RPS6KC1: variants seen among roughly 807,000 people sequenced by gnomAD.
RPS6KC1 encodes ribosomal protein S6 kinase C1, also known as inactive ribosomal protein S6 kinase delta-1.
A neutral mutation model predicts 103.8 loss-of-function variants in RPS6KC1; 54 were observed. That is an observed-to-expected ratio of 0.52 (90% CI 0.42 to 0.65). The LOEUF is 0.65. Ranked by LOEUF, RPS6KC1 falls within the 30% of genes least tolerant of loss-of-function variation. The pLI, the probability that RPS6KC1 is intolerant of heterozygous loss-of-function variation, is 0.00. For synonymous variants in RPS6KC1, 439 were observed against 438.7 expected (o/e 1.00, Z -0.01); for missense variants, 1,151 against 1,253.8 (o/e 0.92, Z 1.24).
chr1:213,361,558 A>C, the RPS6KC1 span, among the ~76,000 whole-genome samples: 1 of 152,210 alleles, frequency 6.6e-6, no homozygotes, highest in African/African-American at 2.4e-5. Flanking sequence ...CGCTGCACCC[A>C]CTGTCCAACA....
At chr1:213,421,236 C>T in the RPS6KC1 span, among the ~76,000 whole-genome samples, 133 of 152,070 alleles carry the variant, frequency 8.7e-4, 1 homozygote, top group Middle Eastern at 6.8e-3. Context: ...CCCAGCCTCC[C>T]GAGTAGCTGG....
At chr1:213,471,140 G>A in the RPS6KC1 span, among the ~76,000 whole-genome samples, 1 of 152,198 alleles carries the variant, frequency 6.6e-6, no homozygotes, top group Non-Finnish European at 1.5e-5. Flanking sequence ...TTTTTGGTGT[G>A]TTTCAATAAA....
the RPS6KC1 span, among the ~76,000 whole-genome samples, chr1:213,783,955 G>A: frequency 6.6e-6 from 1 of 151,696 alleles, no homozygotes; most frequent in Non-Finnish European, 1.5e-5. Context: ...GAGTTTCCTT[G>A]AGAAGTTCCT....
chr1:213,167,053 GT>G (rs1317232438), intron 6 of RPS6KC1, among the ~76,000 whole-genome samples: 1 of 152,180 alleles, frequency 6.6e-6, no homozygotes, highest in Non-Finnish European at 1.5e-5. Context: ...AGACAGTCCA[GT>G]TTGTGTTGTG....
the RPS6KC1 span, among the ~76,000 whole-genome samples, chr1:213,743,933 G>A: frequency 6.6e-6 from 1 of 152,132 alleles, no homozygotes; most frequent in Non-Finnish European, 1.5e-5. Flanking sequence ...ATACACCATG[G>A]AATACTACTC....
Position 213,167,903 on chromosome 1 carries a change from C to T in RPS6KC1, c.881C>T (p.Ala294Val), listed in dbSNP as rs1381098208. 1 of 1,613,790 alleles carries T rather than the reference C, an allele frequency of 6.2e-7. No homozygotes were observed. Among genetic ancestry groups the T allele is most frequent in the Admixed American group, 1.7e-5 (1 of 59,992 alleles). Residue 294 changes from alanine to valine, a missense_variant, in exon 7 of 15, where the codon GCC (alanine) becomes GTC (valine). Ala to Val is a moderately conservative substitution (Grantham distance 64). Transcript: ENST00000366960. ...TRREAVKRRTAEYLMRAESIS... is the reference protein window; with the variant it reads ...TRREAVKRRTVEYLMRAESIS... Reference sequence around the variant, plus strand: ...CGAGAAGCTGTGAAGAGAAGAACAGCCGAGTACCTCATGCGGGCAGAAAGT... The same window carrying T: ...CGAGAAGCTGTGAAGAGAAGAACAGTCGAGTACCTCATGCGGGCAGAAAGT...
At chr1:213,535,275 G>C in the RPS6KC1 span, among the ~76,000 whole-genome samples, 3 of 152,230 alleles carry the variant, frequency 2.0e-5, no homozygotes, top group Admixed American at 2.0e-4. Context: ...CTGAGACAAA[G>C]AGAAGGCAAA....
the RPS6KC1 span, among the ~76,000 whole-genome samples, chr1:213,745,712 C>A: frequency 2.5e-3 from 385 of 152,274 alleles, 3 homozygotes; most frequent in African/African-American, 9.1e-3. Flanking sequence ...AGGATCCCAA[C>A]ACGCTCTTGC....
the RPS6KC1 span, among the ~76,000 whole-genome samples, chr1:213,309,529 A>C: frequency 6.6e-6 from 1 of 152,232 alleles, no homozygotes; most frequent in Non-Finnish European, 1.5e-5. Flanking sequence ...CAGCTATCTC[A>C]CTTTTGAGAT....
chr1:213,736,190 C>T, the RPS6KC1 span, among the ~76,000 whole-genome samples: 10 of 152,278 alleles, frequency 6.6e-5, no homozygotes, highest in Non-Finnish European at 1.0e-4. Flanking sequence ...GAAAACAACA[C>T]GCATTTATTA....
At chr1:213,220,838 C>T (rs2093812285) in intron 8 of RPS6KC1, among the ~76,000 whole-genome samples, 1 of 152,064 alleles carries the variant, frequency 6.6e-6, no homozygotes, top group Non-Finnish European at 1.5e-5. Flanking sequence ...TAGTTAGATT[C>T]TTGAGATTCT....
At chr1:213,486,842 T>C in the RPS6KC1 span, among the ~76,000 whole-genome samples, 9 of 152,352 alleles carry the variant, frequency 5.9e-5, no homozygotes, top group Admixed American at 1.3e-4. Flanking sequence ...GGCCTATATA[T>C]AAAAGTTTCA....
chr1:213,486,561 G>A, the RPS6KC1 span, among the ~76,000 whole-genome samples: 1 of 152,138 alleles, frequency 6.6e-6, no homozygotes, highest in South Asian at 2.1e-4. Context: ...ACTTTTGGGT[G>A]AACCTCTCTG....
intron 6 of RPS6KC1, among the ~76,000 whole-genome samples, chr1:213,166,831 G>A (rs968299891): frequency 2.6e-5 from 4 of 152,242 alleles, no homozygotes; most frequent in Non-Finnish European, 5.9e-5. Context: ...AGAAGGGCAG[G>A]AATGTAGCTT....
At chr1:213,431,604 C>A in the RPS6KC1 span, among the ~76,000 whole-genome samples, 1 of 151,474 alleles carries the variant, frequency 6.6e-6, no homozygotes, top group South Asian at 2.1e-4. Flanking sequence ...TAGCGTATGG[C>A]AGTTATTTTG....
chr1:213,202,896 A>G (rs2093217467), intron 8 of RPS6KC1, among the ~76,000 whole-genome samples: 1 of 152,192 alleles, frequency 6.6e-6, no homozygotes, highest in Non-Finnish European at 1.5e-5. Flanking sequence ...TAATGGTCTC[A>G]TAGTTTTCTA....
the RPS6KC1 span, among the ~76,000 whole-genome samples, chr1:213,405,150 T>A: frequency 2.0e-5 from 3 of 152,226 alleles, no homozygotes; most frequent in Non-Finnish European, 4.4e-5. Context: ...CAGAGTGCAC[T>A]TTTGATGCAA....
intron 6 of RPS6KC1, among the ~76,000 whole-genome samples, chr1:213,134,382 T>G (rs371199140): frequency 4.6e-5 from 7 of 152,054 alleles, no homozygotes; most frequent in African/African-American, 1.4e-4. Flanking sequence ...CCTCTTCTCT[T>G]CTCTTGCATA....
chr1:213,078,405 G>A (rs2079549113), intron 3 of RPS6KC1, among the ~76,000 whole-genome samples: 1 of 151,658 alleles, frequency 6.6e-6, no homozygotes, highest in South Asian at 2.1e-4. Flanking sequence ...GTTCTTATAT[G>A]GACAGAATTT....
Sources: allele counts gnomAD v4.1 joint callset (sites outside exome capture counted in the v4.1 genomes callset), GRCh38; gene constraint gnomAD v4.1.1; transcripts MANE v1.5; gene names NCBI Gene and HGNC (gene_info 2026-07-23, HGNC 2026-07-21).